NTNG1: variants seen among roughly 807,000 people sequenced by gnomAD.
The protein encoded by NTNG1 is netrin-G1.
NTNG1 carries 16 observed loss-of-function variants against 54.0 expected under a neutral mutation model. That is an observed-to-expected ratio of 0.30 (90% CI 0.20 to 0.45). The LOEUF (loss-of-function observed/expected upper bound fraction) is 0.45, where lower values mean the gene tolerates loss of function less well. NTNG1 is among the 20% of genes least tolerant of loss of function. The pLI is 1.00. For synonymous variants in NTNG1, 255 were observed against 263.1 expected (o/e 0.97, Z 0.30); for missense variants, 530 against 678.7 (o/e 0.78, Z 2.43).
At chr1:107,219,600 T>C (rs1043767488) in intron 2 of NTNG1, among the ~76,000 whole-genome samples, 3 of 152,232 alleles carry the variant, frequency 2.0e-5, no homozygotes, top group Non-Finnish European at 2.9e-5. Context: ...TCTCATGGGA[T>C]GCTCTGTTAA....
intron 2 of NTNG1, among the ~76,000 whole-genome samples, chr1:107,207,279 T>G (rs956214668): frequency 7.2e-5 from 11 of 152,158 alleles, no homozygotes; most frequent in African/African-American, 2.7e-4. Flanking sequence ...GAGATTTCAT[T>G]TTGCCTCAAA....
intron 7 of NTNG1, among the ~76,000 whole-genome samples, chr1:107,452,384 G>T (rs370736572): frequency 6.6e-6 from 1 of 152,166 alleles, no homozygotes; most frequent in Non-Finnish European, 1.5e-5. Context: ...ATGGTGGACA[G>T]TACACTTACT....
intron 2 of NTNG1, among the ~76,000 whole-genome samples, chr1:107,252,201 A>G (rs1449385961): frequency 1.3e-5 from 2 of 152,190 alleles, no homozygotes; most frequent in Admixed American, 1.3e-4. Flanking sequence ...TTCAGGCCAA[A>G]TTAAAGTCTT....
chr1:107,466,563 C>A (rs1172293925), intron 7 of NTNG1, among the ~76,000 whole-genome samples: 1 of 152,148 alleles, frequency 6.6e-6, no homozygotes, highest in Non-Finnish European at 1.5e-5. Context: ...TGTGTTAGGA[C>A]AAGATATTTT....
chr1:107,173,487 A>T (rs903767269), intron 2 of NTNG1, among the ~76,000 whole-genome samples: 2 of 152,098 alleles, frequency 1.3e-5, no homozygotes, highest in Non-Finnish European at 2.9e-5. Context: ...ACAAAGTATG[A>T]TCCACAACAC....
intron 2 of NTNG1, among the ~76,000 whole-genome samples, chr1:107,166,831 CT>C (rs1381700948): frequency 6.6e-6 from 1 of 151,952 alleles, no homozygotes; most frequent in East Asian, 1.9e-4. Context: ...AGATATGAGA[CT>C]TACATAATGG....
At chr1:107,352,865 A>AGCAGTG (rs1669707949) in intron 3 of NTNG1, among the ~76,000 whole-genome samples, 1 of 152,184 alleles carries the variant, frequency 6.6e-6, no homozygotes, top group South Asian at 2.1e-4. Flanking sequence ...CACCCTCTGG[A>AGCAGTG]GCAGTGGTCC....
At chr1:107,256,924 T>A (rs998620443) in intron 2 of NTNG1, among the ~76,000 whole-genome samples, 1 of 152,196 alleles carries the variant, frequency 6.6e-6, no homozygotes, top group African/African-American at 2.4e-5. Context: ...TATTTTTTTT[T>A]ATTGTCCAAA....
chr1:107,319,865 T>TTATATATATATATATATATATATATATA (rs1553225209), intron 2 of NTNG1, among the ~76,000 whole-genome samples: 4 of 147,936 alleles, frequency 2.7e-5, no homozygotes, highest in East Asian at 4.0e-4. Context: ...TACCTGAGGT[T>TTATATATATATATATATATATATATATA]TATATATATA....
At chr1:107,244,300 T>C (rs1662039907) in intron 2 of NTNG1, among the ~76,000 whole-genome samples, 1 of 152,352 alleles carries the variant, frequency 6.6e-6, no homozygotes, top group East Asian at 1.9e-4. Flanking sequence ...TATTTTTCTC[T>C]TATGCTGCCT....
intron 2 of NTNG1, among the ~76,000 whole-genome samples, chr1:107,212,147 A>T (rs1659637897): frequency 6.6e-6 from 1 of 152,178 alleles, no homozygotes; most frequent in East Asian, 1.9e-4. Context: ...AGTTGGTCAG[A>T]ACTATAGAGC....
At chr1:107,463,362 G>A (rs889687519) in intron 7 of NTNG1, among the ~76,000 whole-genome samples, 12 of 151,996 alleles carry the variant, frequency 7.9e-5, no homozygotes, top group Non-Finnish European at 1.2e-4. Flanking sequence ...ATCTATTGAC[G>A]TTAACATTGT....
chr1:107,171,260 CAA>C (rs1311664084), intron 2 of NTNG1, among the ~76,000 whole-genome samples: 1 of 151,962 alleles, frequency 6.6e-6, no homozygotes, highest in Admixed American at 6.6e-5. Context: ...TTTTCACCCC[CAA>C]AAAAGTTTTC....
chr1:107,355,222 G>T (rs1254200800), intron 3 of NTNG1, among the ~76,000 whole-genome samples: 1 of 144,096 alleles, frequency 6.9e-6, no homozygotes, highest in Non-Finnish European at 1.5e-5. Context: ...TGATCTGATT[G>T]TTCAACTTTT....
chr1:107,403,747 C>A (rs1275831063), intron 4 of NTNG1: 1 of 153,728 alleles, frequency 6.5e-6, no homozygotes, highest in Non-Finnish European at 1.5e-5. Context: ...TTCATTTCCT[C>A]TGCACAAATT....
At chr1:107,267,109 G>A (rs1022131305) in intron 2 of NTNG1, among the ~76,000 whole-genome samples, 1 of 152,184 alleles carries the variant, frequency 6.6e-6, no homozygotes, top group African/African-American at 2.4e-5. Context: ...TAATTCTTCA[G>A]TTGTGCATTG....
chr1:107,349,846 TG>T (rs1166617865), intron 3 of NTNG1, among the ~76,000 whole-genome samples: 1 of 152,182 alleles, frequency 6.6e-6, no homozygotes, highest in Non-Finnish European at 1.5e-5. Flanking sequence ...GATGGATATT[TG>T]GGTTGTTTTA....
chr1:107,266,771 A>G (rs1003765631), intron 2 of NTNG1, among the ~76,000 whole-genome samples: 4 of 151,898 alleles, frequency 2.6e-5, no homozygotes, highest in South Asian at 2.1e-4. Context: ...CTGCTTTCAG[A>G]CCTGTAAAGA....
chr1:107,162,329 C>T (rs1167101178), intron 2 of NTNG1, among the ~76,000 whole-genome samples: 6 of 152,080 alleles, frequency 3.9e-5, no homozygotes, highest in East Asian at 3.9e-4. Flanking sequence ...TAAGTTTTGT[C>T]GTGTTTATTG....
Sources: allele counts gnomAD v4.1 joint callset (sites outside exome capture counted in the v4.1 genomes callset), GRCh38; gene constraint gnomAD v4.1.1; transcripts MANE v1.5; gene names NCBI Gene and HGNC (gene_info 2026-07-23, HGNC 2026-07-21).